The following ALPK1 variants were observed in gnomAD, a reference collection of about 807,000 sequenced individuals.
The protein encoded by ALPK1 is alpha kinase 1, also known as alpha-protein kinase 1.
In ALPK1, 110 loss-of-function variants were observed where a neutral mutation model predicts 120.6. That is an observed-to-expected ratio of 0.91 (90% CI 0.78 to 1.07). The LOEUF is 1.07. Among genes scored for constraint, ALPK1 ranks in the 50% least tolerant of loss-of-function variants. The probability of loss-of-function intolerance (pLI) is 0.00; values close to 1 mark genes in which losing one functional copy is unlikely to be tolerated. For missense variants in ALPK1, 1,498 were observed against 1,483.9 expected (o/e 1.01, Z -0.16); for synonymous variants, 582 against 560.3 (o/e 1.04, Z -0.55).
chr4:112,401,232 G>T (rs979345995), intron 4 of ALPK1, among the ~76,000 whole-genome samples: 9 of 152,194 alleles, frequency 5.9e-5, no homozygotes. Context: ...AGACAAGAAT[G>T]CTTTTTAAAA....
chr4:112,405,321 T>C (rs963408480), intron 4 of ALPK1, among the ~76,000 whole-genome samples: 1 of 152,180 alleles, frequency 6.6e-6, no homozygotes, highest in Non-Finnish European at 1.5e-5. Context: ...CAAATCATCA[T>C]TTGCTCTCAT....
chr4:112,362,429 A>G (rs1435850287), intron 2 of ALPK1, among the ~76,000 whole-genome samples: 1 of 152,236 alleles, frequency 6.6e-6, no homozygotes, highest in Non-Finnish European at 1.5e-5. Flanking sequence ...CACTTAGAGA[A>G]ATGTAAAATG....
chr4:112,428,806 T>A (rs984577856), intron 9 of ALPK1, among the ~76,000 whole-genome samples: 2 of 152,228 alleles, frequency 1.3e-5, no homozygotes, highest in Admixed American at 1.3e-4. Flanking sequence ...AAATGAATTC[T>A]AATTGCTGTG....
At chr4:112,338,871 C>T (rs1360333326) in intron 2 of ALPK1, among the ~76,000 whole-genome samples, 1 of 152,204 alleles carries the variant, frequency 6.6e-6, no homozygotes, top group African/African-American at 2.4e-5. Flanking sequence ...TAACTGGTCA[C>T]CTACCTCATG....
At chr4:112,354,625 A>T (rs2148712825) in intron 2 of ALPK1, among the ~76,000 whole-genome samples, 1 of 151,844 alleles carries the variant, frequency 6.6e-6, no homozygotes, top group Admixed American at 6.6e-5. Context: ...GAGCCACCAT[A>T]CCCACCTAAT....
chr4:112,323,522 A>C (rs2110548457), intron 2 of ALPK1, among the ~76,000 whole-genome samples: 1 of 152,326 alleles, frequency 6.6e-6, no homozygotes, highest in Admixed American at 6.5e-5. Flanking sequence ...CACAAATCTT[A>C]ATCTTTAACA....
At chr4:112,407,629 A>C (rs1468228407) in intron 4 of ALPK1, among the ~76,000 whole-genome samples, 1 of 152,222 alleles carries the variant, frequency 6.6e-6, no homozygotes, top group Non-Finnish European at 1.5e-5. Context: ...TAGAGTTACT[A>C]TAAAATTTAA....
chr4:112,398,176 A>G (rs1732749335), intron 4 of ALPK1, among the ~76,000 whole-genome samples: 1 of 152,208 alleles, frequency 6.6e-6, no homozygotes, highest in Non-Finnish European at 1.5e-5. Context: ...TTGGAGGATG[A>G]GCAAAGAGTC....
chr4:112,302,250 G>A (rs1029015295), intron 1 of ALPK1: 5 of 152,046 alleles, frequency 3.3e-5, no homozygotes, highest in African/African-American at 4.8e-5. Context: ...AAGCACAATC[G>A]TAAGTGCTTA....
chr4:112,297,970 T>C (rs990772982), intron 1 of ALPK1, among the ~76,000 whole-genome samples: 16 of 152,174 alleles, frequency 1.1e-4, no homozygotes, highest in African/African-American at 3.9e-4. Context: ...GACTTACTCG[T>C]CTCATATGGG....
At chr4:112,397,351 G>A (rs891593554) in intron 4 of ALPK1, among the ~76,000 whole-genome samples, 1 of 152,212 alleles carries the variant, frequency 6.6e-6, no homozygotes, top group Non-Finnish European at 1.5e-5. Context: ...GAAGACCACA[G>A]GCAAAATATA....
intron 2 of ALPK1, among the ~76,000 whole-genome samples, chr4:112,349,710 C>A (rs144098048): frequency 1.1e-3 from 165 of 152,212 alleles, no homozygotes; most frequent in African/African-American, 3.9e-3. Flanking sequence ...TGTACCACCA[C>A]GCCTGGCTAA....
At chr4:112,432,638 C>G in intron 11 of ALPK1, 57 bp downstream of exon 11, 1 of 1,503,528 alleles carries the variant, frequency 6.7e-7, no homozygotes, top group South Asian at 1.2e-5. Context: ...TTGGGGCACT[C>G]TGAAGAGCTT....
At chr4:112,298,777 T>G (rs976438062) in intron 1 of ALPK1, among the ~76,000 whole-genome samples, 2 of 152,184 alleles carry the variant, frequency 1.3e-5, no homozygotes, top group African/African-American at 4.8e-5. Context: ...GCAAGTGCCA[T>G]GTGATCTAGG....
At chr4:112,340,021 G>A (rs553877892) in intron 2 of ALPK1, among the ~76,000 whole-genome samples, 2 of 152,318 alleles carry the variant, frequency 1.3e-5, no homozygotes, top group East Asian at 3.9e-4. Context: ...TTGGATTTCG[G>A]CCTCCTTGTA....
intron 2 of ALPK1, among the ~76,000 whole-genome samples, chr4:112,368,531 TAGTATTTTATGGGTGGGAA>T (rs1407426415): frequency 6.6e-6 from 1 of 152,212 alleles, no homozygotes; most frequent in African/African-American, 2.4e-5. Flanking sequence ...TCATGCGTCT[TAGTATTTTATGGGTGGGAA>T]TTCTTTGAAG....
intron 2 of ALPK1, among the ~76,000 whole-genome samples, chr4:112,366,026 C>T (rs1458957041): frequency 6.6e-6 from 1 of 152,052 alleles, no homozygotes; most frequent in African/African-American, 2.4e-5. Flanking sequence ...AGAACTGGAT[C>T]CTCATCTGTC....
rs1453214540 is a variant in ALPK1 at position 112,431,012 on chromosome 4, T to G, written c.1465T>G (p.Cys489Gly). Residue 489 changes from cysteine (C) to glycine (G), a missense_variant, in exon 11 of 16, where the codon TGC (cysteine) becomes GGC (glycine). Physicochemically the swap from Cys to Gly is radical, Grantham distance 159. Coordinates refer to ENST00000650871, the MANE Select transcript of ALPK1 (RefSeq NM_025144.4). ...ACAGAAAGATGCAAAAACAGGAGTC[T>G]GCATCACTGCTCTAAAAACAGAAAT... Reference protein sequence around the residue: ...NEQKDAKTGVCITALKTEIKN... With the variant: ...NEQKDAKTGVGITALKTEIKN... 6.2e-7 allele frequency: 1 copy of G among 1,613,278 alleles called. No homozygotes were observed. The highest frequency in any genetic ancestry group is 8.5e-7 in the Non-Finnish European group (1 of 1,179,758).
At chr4:112,347,622 G>A (rs1730155520) in intron 2 of ALPK1, among the ~76,000 whole-genome samples, 1 of 152,292 alleles carries the variant, frequency 6.6e-6, no homozygotes, top group South Asian at 2.1e-4. Flanking sequence ...CTCGAATGAA[G>A]TTGTTTCTGT....
Sources: gnomAD v4.1 joint callset for allele counts (sites outside exome capture counted in the v4.1 genomes callset) on GRCh38, gnomAD v4.1.1 for gene constraint, MANE v1.5 for transcripts, NCBI Gene and HGNC (gene_info 2026-07-23, HGNC 2026-07-21) for gene names.